AATF: variants seen among roughly 807,000 people sequenced by gnomAD.
AATF encodes the protein apoptosis antagonizing transcription factor.
AATF carries 48 observed loss-of-function variants against 63.7 expected under a neutral mutation model. That is an observed-to-expected ratio of 0.75 (90% CI 0.60 to 0.96). The LOEUF (loss-of-function observed/expected upper bound fraction) is 0.96. AATF is among the 40% of genes least tolerant of loss of function. The pLI is 0.00. For missense variants in AATF, 639 were observed against 685.7 expected, an observed-to-expected ratio of 0.93 and a Z score of 0.76; for synonymous variants, 258 against 247.7, an observed-to-expected ratio of 1.04 and a Z score of -0.39.
chr17:36,950,187 T>A, intron 1 of AATF, 27 bp from the exon 2 acceptor site: 1 of 1,605,484 alleles, frequency 6.2e-7, no homozygotes, highest in Non-Finnish European at 8.5e-7. Context: ...CTGGAGATTC[T>A]GTTTACTTTT....
intron 4 of AATF, among the ~76,000 whole-genome samples, chr17:36,965,164 T>A (rs1253997780): frequency 6.6e-6 from 1 of 152,238 alleles, no homozygotes; most frequent in Non-Finnish European, 1.5e-5. Flanking sequence ...TACCGCAAGC[T>A]TGGTGACTTA....
At chr17:37,009,972 C>T (rs532896562) in intron 8 of AATF, among the ~76,000 whole-genome samples, 1 of 151,266 alleles carries the variant, frequency 6.6e-6, no homozygotes, top group East Asian at 2.0e-4. Flanking sequence ...ATGGCAATGA[C>T]AAAGATATGT....
intron 2 of AATF, among the ~76,000 whole-genome samples, chr17:36,952,218 A>G (rs2070860913): frequency 6.6e-6 from 1 of 152,196 alleles, no homozygotes; most frequent in South Asian, 2.1e-4. Flanking sequence ...CCTTCTCCAC[A>G]TGATACCATC....
At chr17:36,955,275 C>T (rs1053507909) in intron 4 of AATF, among the ~76,000 whole-genome samples, 16 of 152,126 alleles carry the variant, frequency 1.1e-4, no homozygotes, top group Non-Finnish European at 1.3e-4. Flanking sequence ...GTTCAGTGAA[C>T]GTTTCTTGTA....
chr17:36,995,155 T>C (rs960569190), intron 8 of AATF, among the ~76,000 whole-genome samples: 5 of 152,258 alleles, frequency 3.3e-5, no homozygotes, highest in Admixed American at 6.5e-5. Context: ...TGGTTTGTCC[T>C]GTCACTTTGA....
intron 2 of AATF, among the ~76,000 whole-genome samples, chr17:36,951,343 C>G (rs1480521894): frequency 6.6e-6 from 1 of 151,832 alleles, no homozygotes; most frequent in Non-Finnish European, 1.5e-5. Context: ...AATCATGAGA[C>G]AAATATGATA....
chr17:37,000,977 T>C (rs2071289843), intron 8 of AATF, among the ~76,000 whole-genome samples: 2 of 151,128 alleles, frequency 1.3e-5, no homozygotes, highest in African/African-American at 4.9e-5. Context: ...AAAAAAAAGG[T>C]AAATTCAGTA....
intron 11 of AATF, among the ~76,000 whole-genome samples, chr17:37,040,056 AGT>A (rs1180568090): frequency 6.6e-6 from 1 of 152,186 alleles, no homozygotes. Flanking sequence ...CATTCTTTAA[AGT>A]GTGTGTAAAT....
chr17:37,023,754 G>A (rs1226966975), intron 10 of AATF, among the ~76,000 whole-genome samples: 4 of 151,962 alleles, frequency 2.6e-5, no homozygotes, highest in African/African-American at 9.7e-5. Flanking sequence ...TCATTAGGTG[G>A]TAGTTAAGAC....
At chr17:37,008,938 A>G (rs1463578332) in intron 8 of AATF, among the ~76,000 whole-genome samples, 1 of 152,230 alleles carries the variant, frequency 6.6e-6, no homozygotes, top group Non-Finnish European at 1.5e-5. Flanking sequence ...ACCAACTTAA[A>G]GAGACTACAG....
At chr17:36,967,029 A>C (rs1356206325) in intron 4 of AATF, among the ~76,000 whole-genome samples, 1 of 152,140 alleles carries the variant, frequency 6.6e-6, no homozygotes, top group African/African-American at 2.4e-5. Flanking sequence ...TTTCTCCTGA[A>C]GCAACAATTT....
chr17:37,028,865 C>G (rs1049958819), intron 10 of AATF, among the ~76,000 whole-genome samples: 7 of 152,024 alleles, frequency 4.6e-5, no homozygotes, highest in African/African-American at 1.7e-4. Flanking sequence ...ACTTCTGTTC[C>G]TACGGTTATA....
intron 4 of AATF, among the ~76,000 whole-genome samples, chr17:36,976,072 G>A (rs1418397395): frequency 1.3e-5 from 2 of 152,112 alleles, no homozygotes; most frequent in African/African-American, 2.4e-5. Context: ...ATCAAGTTTG[G>A]ACATGACATT....
intron 9 of AATF, among the ~76,000 whole-genome samples, chr17:37,019,598 C>G (rs1169265371): frequency 6.6e-6 from 1 of 152,172 alleles, no homozygotes; most frequent in Non-Finnish European, 1.5e-5. Context: ...TGTGTGTATG[C>G]TTCATCCTGT....
At chr17:37,032,195 T>C (rs1188026082) in intron 11 of AATF, among the ~76,000 whole-genome samples, 2 of 152,222 alleles carry the variant, frequency 1.3e-5, no homozygotes. Flanking sequence ...TTTAAAATAA[T>C]AGTTTCTTCT....
At chr17:37,011,406 G>C (rs2071389686) in intron 8 of AATF, among the ~76,000 whole-genome samples, 1 of 152,148 alleles carries the variant, frequency 6.6e-6, no homozygotes, top group South Asian at 2.1e-4. Flanking sequence ...GGTGAATGAA[G>C]ATGATAGTAG....
intron 4 of AATF, among the ~76,000 whole-genome samples, chr17:36,961,114 C>T (rs2142212267): frequency 1.3e-5 from 2 of 152,274 alleles, no homozygotes; most frequent in South Asian, 4.1e-4. Context: ...GCTTATTTTT[C>T]CTACTTAATA....
chr17:37,009,589 G>T (rs1233524366), intron 8 of AATF, among the ~76,000 whole-genome samples: 1 of 149,844 alleles, frequency 6.7e-6, no homozygotes, highest in African/African-American at 2.4e-5. Context: ...AGGCCGAGGC[G>T]GGTGGATCAT....
intron 8 of AATF, among the ~76,000 whole-genome samples, chr17:36,991,520 A>G (rs1455746854): frequency 1.3e-5 from 2 of 152,006 alleles, no homozygotes; most frequent in Non-Finnish European, 2.9e-5. Flanking sequence ...AAGATAGACT[A>G]AACATTTGGG....
Sources: allele counts gnomAD v4.1 joint callset (sites outside exome capture counted in the v4.1 genomes callset), GRCh38; gene constraint gnomAD v4.1.1; transcripts MANE v1.5; gene names NCBI Gene and HGNC (gene_info 2026-07-23, HGNC 2026-07-21).